The following ASAP2 variants were observed in gnomAD, a reference collection of about 807,000 sequenced individuals.
ASAP2 encodes ArfGAP with SH3 domain, ankyrin repeat and PH domain 2, also known as arf-GAP with SH3 domain, ANK repeat and PH domain-containing protein 2.
A neutral mutation model predicts 131.4 loss-of-function variants in ASAP2; 45 were observed. That is an observed-to-expected ratio of 0.34 (90% CI 0.27 to 0.44). The LOEUF (loss-of-function observed/expected upper bound fraction) is 0.44, where lower values mean the gene tolerates loss of function less well. ASAP2 is among the 20% of genes least tolerant of loss of function. The probability of loss-of-function intolerance (pLI) is 1.00; values close to 1 mark genes in which losing one functional copy is unlikely to be tolerated. For synonymous variants in ASAP2, 510 were observed against 503.0 expected (o/e 1.01, Z -0.19); for missense variants, 1,011 against 1,297.0 (o/e 0.78, Z 3.39).
intron 2 of ASAP2, among the ~76,000 whole-genome samples, chr2:9,282,103 T>C (rs1369469614): frequency 1.3e-5 from 2 of 152,224 alleles, no homozygotes; most frequent in African/African-American, 4.8e-5. Context: ...GTCACAAAGC[T>C]CTACAGTGAC....
intron 6 of ASAP2, among the ~76,000 whole-genome samples, chr2:9,327,301 C>T (rs548108753): frequency 1.1e-4 from 16 of 152,202 alleles, no homozygotes; most frequent in Non-Finnish European, 1.9e-4. Flanking sequence ...CTGATAGCTT[C>T]GTGGTCACTA....
At chr2:9,323,813 C>A (rs779487056) in intron 6 of ASAP2, among the ~76,000 whole-genome samples, 3 of 152,240 alleles carry the variant, frequency 2.0e-5, no homozygotes, top group Non-Finnish European at 4.4e-5. Context: ...AGCCTCAGCC[C>A]TTCCCTTAGT....
intron 7 of ASAP2, among the ~76,000 whole-genome samples, chr2:9,329,115 C>T (rs1455428029): frequency 1.3e-5 from 2 of 152,078 alleles, no homozygotes; most frequent in African/African-American, 2.4e-5. Context: ...TAGGAGCCGG[C>T]AGATAAGGAG....
At chr2:9,289,070 T>C (rs956000763) in intron 2 of ASAP2, among the ~76,000 whole-genome samples, 1 of 152,246 alleles carries the variant, frequency 6.6e-6, no homozygotes, top group Non-Finnish European at 1.5e-5. Flanking sequence ...GTGGATTGTT[T>C]TCGCATGTTT....
chr2:9,402,284 A>G (rs912122358), intron 27 of ASAP2, among the ~76,000 whole-genome samples: 1 of 152,244 alleles, frequency 6.6e-6, no homozygotes, highest in Non-Finnish European at 1.5e-5. Flanking sequence ...TTCATTTGGC[A>G]GAGCTGGGTT....
At chr2:9,286,447 A>ATATATATATATATATAT (rs1553304560) in intron 2 of ASAP2, among the ~76,000 whole-genome samples, 93 of 148,478 alleles carry the variant, frequency 6.3e-4, no homozygotes, top group African/African-American at 2.2e-3. Flanking sequence ...GAAAAAAAAA[A>ATATATATATATATATAT]ATATATATAT....
intron 1 of ASAP2, among the ~76,000 whole-genome samples, chr2:9,234,713 G>C (rs1341574021): frequency 6.6e-6 from 1 of 152,162 alleles, no homozygotes; most frequent in Admixed American, 6.5e-5. Flanking sequence ...CAGTTGGTTG[G>C]ACTGTTGAAT....
chr2:9,304,592 G>T (rs560426345), intron 3 of ASAP2, among the ~76,000 whole-genome samples: 103 of 151,446 alleles, frequency 6.8e-4, no homozygotes, highest in African/African-American at 2.3e-3. Flanking sequence ...CTGTAGTCTT[G>T]GGAGTATAGA....
intron 2 of ASAP2, among the ~76,000 whole-genome samples, chr2:9,279,876 A>G (rs1238992158): frequency 1.3e-5 from 1 of 77,066 alleles, no homozygotes; most frequent in East Asian, 6.2e-4. Context: ...TTTTACACAT[A>G]TATATTTACA....
At chr2:9,287,653 T>A (rs1256196762) in intron 2 of ASAP2, among the ~76,000 whole-genome samples, 1 of 152,158 alleles carries the variant, frequency 6.6e-6, no homozygotes, top group Non-Finnish European at 1.5e-5. Context: ...AGCTGGTGGT[T>A]GGAAGGTTCC....
chr2:9,291,212 G>A (rs972067469), intron 2 of ASAP2, among the ~76,000 whole-genome samples: 1 of 150,740 alleles, frequency 6.6e-6, no homozygotes, highest in Non-Finnish European at 1.5e-5. Flanking sequence ...ACACATCTCT[G>A]ATCACCTTGA....
In ASAP2 at chr2:9,380,759, C is replaced by G. The variant is rs769669019; in HGVS notation, c.1967C>G (p.Thr656Ser). The G allele has an allele frequency of 7.4e-6, 12 of 1,614,068 alleles. No homozygotes were observed. Among genetic ancestry groups the G allele is most frequent in the Non-Finnish European group, 9.3e-6 (11 of 1,180,042 alleles). Reference sequence around the variant, plus strand: ...ATTTTAGCAAACGAGTCAGGAGAGACTCCGCTGGACATTGCCAAGCGCCTC... The same window carrying G: ...ATTTTAGCAAACGAGTCAGGAGAGAGTCCGCTGGACATTGCCAAGCGCCTC... ...SIEIANESGE[T>S]PLDIAKRLKH... Residue 656 changes from threonine to serine, a missense_variant, in exon 20 of 28, where the codon ACT becomes AGT. Thr to Ser is a moderately conservative substitution (Grantham distance 58). Coordinates refer to ENST00000281419, the MANE Select transcript of ASAP2 (RefSeq NM_003887.3).
Position 9,207,329 on chromosome 2 carries a change from C to T in ASAP2, c.126+99C>T, listed in dbSNP as rs1486825204. 7.2e-7 allele frequency: 1 copy of T among 1,398,314 alleles called. No homozygotes were observed. The highest frequency in any genetic ancestry group is 9.3e-7 in the Non-Finnish European group (1 of 1,071,570). 86.6% of individuals were successfully genotyped at this position (1,398,314 alleles called of 1,614,324 possible). On this transcript the variant is annotated intron_variant, in intron 1 of 27. Transcript: ENST00000281419. This position sits in a 1 kb window ranked among gnomAD's most constrained non-coding sequence, Gnocchi z 4.1. ...CATCCCGAGAAAACTTTCTTTGCTC[C>T]GAAGCCGGACGCGGCCGGGCCAACC... is the stretch of plus-strand genomic sequence containing the variant.
At chr2:9,350,740 A>G in intron 11 of ASAP2, 68 bp from the exon 12 acceptor site, 1 of 1,359,640 alleles carries the variant, frequency 7.4e-7, no homozygotes, top group South Asian at 1.3e-5. Flanking sequence ...GTGAGGATTG[A>G]TACTGTATGA....
rs765427909 is a variant in ASAP2, at chr2:9,403,270, A to C, written c.2964A>C (p.Gly988=). The C allele has an allele frequency of 6.2e-7, 1 of 1,613,996 alleles. No individual in the cohort carries two copies. Among genetic ancestry groups the C allele is most frequent in the African/African-American group, 1.3e-5 (1 of 74,930 alleles). ...CATTTCAGATTGGCCACATTGATGGAGATCCTGGTCGCAAAGGCGCATTCC... is the reference window on the plus strand; with the variant it reads ...CATTTCAGATTGGCCACATTGATGGCGATCCTGGTCGCAAAGGCGCATTCC... ...DQEWWIGHID[G]DPGRKGAFPV... The change falls in exon 28 of 28, where the codon GGA becomes GGC. Residue 988 remains glycine (G), a synonymous_variant. Transcript: ENST00000281419.
chr2:9,283,505 T>C (rs971219799), intron 2 of ASAP2, among the ~76,000 whole-genome samples: 1 of 152,074 alleles, frequency 6.6e-6, no homozygotes, highest in African/African-American at 2.4e-5. Context: ...GGGAAATCGG[T>C]GTCCTTTTCC....
At chr2:9,283,407 A>G (rs1450955462) in intron 2 of ASAP2, among the ~76,000 whole-genome samples, 1 of 152,210 alleles carries the variant, frequency 6.6e-6, no homozygotes, top group Non-Finnish European at 1.5e-5. Flanking sequence ...GCACAAAGTT[A>G]TCTTTCAGTT....
chr2:9,253,059 C>T lies in ASAP2; in HGVS notation c.127-26258C>T, dbSNP rs546833939. Among the ~76,000 whole-genome samples, 5 of 152,262 alleles carry T rather than the reference C, an allele frequency of 3.3e-5. No individual in the cohort carries two copies. In the South Asian group the frequency reaches 6.2e-4, roughly 19 times the overall value. ...TGCATCCCTAAGCCCAAGCCAATCC[C>T]GAGGCAACAAAGAAACGAAAGTCGT... On this transcript the variant is annotated intron_variant, in intron 1 of 27. Coordinates refer to ENST00000281419, the MANE Select transcript of ASAP2 (RefSeq NM_003887.3).
chr2:9,289,102 G>A (rs1304653440), intron 2 of ASAP2, among the ~76,000 whole-genome samples: 1 of 152,182 alleles, frequency 6.6e-6, no homozygotes, highest in African/African-American at 2.4e-5. Flanking sequence ...GCTAAGTTGT[G>A]TGTTGGCAGG....
Sources: allele counts gnomAD v4.1 joint callset (sites outside exome capture counted in the v4.1 genomes callset), GRCh38; gene constraint gnomAD v4.1.1; non-coding constraint Gnocchi (gnomAD v3.1); transcripts MANE v1.5; gene names NCBI Gene and HGNC (gene_info 2026-07-23, HGNC 2026-07-21).